KLF7: variants seen among roughly 807,000 people sequenced by gnomAD.
KLF7 encodes Krueppel-like factor 7.
Under a neutral mutation model 27.3 loss-of-function variants are expected in KLF7, and 2 were observed. The ratio of observed to expected loss-of-function variants is 0.07; its 90% confidence interval spans 0.03 to 0.23. KLF7 has a LOEUF of 0.23. Ranked by LOEUF, KLF7 falls within the 10% of genes least tolerant of loss-of-function variation. The pLI is 1.00. For missense variants in KLF7, 221 were observed against 394.1 expected (o/e 0.56, Z 3.72); for synonymous variants, 165 against 162.4 (o/e 1.02, Z -0.12).
intron 1 of KLF7, among the ~76,000 whole-genome samples, chr2:207,140,304 G>C (rs550908603): frequency 9.9e-5 from 15 of 151,996 alleles, no homozygotes; most frequent in Non-Finnish European, 1.5e-4. Flanking sequence ...TTTTTAAAGG[G>C]GGGATTTGAA....
chr2:207,088,602 AC>A, intron 2 of KLF7, 21 bp from the exon 3 acceptor site: 1 of 1,611,000 alleles, frequency 6.2e-7, no homozygotes. Flanking sequence ...AGATGGAAGG[AC>A]CGTGGTCAGC....
chr2:207,124,701 A>C (rs2077434242), intron 1 of KLF7, among the ~76,000 whole-genome samples: 1 of 152,312 alleles, frequency 6.6e-6, no homozygotes. Context: ...CTTGCCCCTC[A>C]ATCCAATTCA....
At chr2:207,118,817 A>T (rs1184292233) in intron 2 of KLF7, among the ~76,000 whole-genome samples, 1 of 152,228 alleles carries the variant, frequency 6.6e-6, no homozygotes, top group Non-Finnish European at 1.5e-5. Flanking sequence ...TGTATTTCAA[A>T]CTTTAAAGGC....
chr2:207,139,713 T>C (rs2077886728), intron 1 of KLF7, among the ~76,000 whole-genome samples: 2 of 152,202 alleles, frequency 1.3e-5, no homozygotes, highest in Non-Finnish European at 1.5e-5. Context: ...GGGCAAATAG[T>C]CTTGGTTTTG....
intron 2 of KLF7, 114 bp downstream of exon 2, chr2:207,123,660 A>G: frequency 8.4e-7 from 1 of 1,190,468 alleles, no homozygotes; most frequent in Non-Finnish European, 1.2e-6. Flanking sequence ...CCGCCTGTCT[A>G]TCACCTCCTC....
At chr2:207,159,816 T>A (rs906321973) in intron 1 of KLF7, among the ~76,000 whole-genome samples, 2 of 152,004 alleles carry the variant, frequency 1.3e-5, no homozygotes, top group Non-Finnish European at 2.9e-5. Context: ...ACTGCTCGAA[T>A]GGAGGGGGGA....
At chr2:207,084,892 G>A (rs1401595538) in intron 3 of KLF7, among the ~76,000 whole-genome samples, 3 of 152,094 alleles carry the variant, frequency 2.0e-5, no homozygotes, top group Admixed American at 1.3e-4. Flanking sequence ...GCCAGGCGTC[G>A]TGGCTCGCGC....
chr2:207,122,664 T>C (rs2077369845), intron 2 of KLF7, among the ~76,000 whole-genome samples: 4 of 152,064 alleles, frequency 2.6e-5, no homozygotes, highest in Non-Finnish European at 5.9e-5. Flanking sequence ...CAGCCAGCAA[T>C]CTCTCCCCTG....
At chr2:207,153,170 C>T (rs1018520352) in intron 1 of KLF7, among the ~76,000 whole-genome samples, 3 of 151,964 alleles carry the variant, frequency 2.0e-5, no homozygotes, top group Non-Finnish European at 2.9e-5. Flanking sequence ...TGTTACACAC[C>T]GAGATGATGT....
At chr2:207,094,863 A>T (rs2105890143) in intron 2 of KLF7, among the ~76,000 whole-genome samples, 1 of 152,080 alleles carries the variant, frequency 6.6e-6, no homozygotes, top group Admixed American at 6.5e-5. Flanking sequence ...AATTCCCAAA[A>T]CATTTATAAT....
In KLF7 at chr2:207,079,245, G is replaced by A. The variant is rs2076228721; in HGVS notation, c.*1968C>T. 1 of 152,154 alleles carries A rather than the reference G, an allele frequency of 6.6e-6. No individual in the cohort carries two copies. The highest frequency in any genetic ancestry group is 2.4e-5 in the African/African-American group (1 of 41,428). The allele number at this position is 152,154 out of a possible 1,614,324, so 9.4% of individuals were successfully genotyped here. On this transcript the variant is annotated 3_prime_UTR_variant, in exon 4 of 4. Coordinates refer to ENST00000309446, the MANE Select transcript of KLF7 (RefSeq NM_003709.4). ...GTTTCAACATTTCAGTGAAAACAAAGGTTGCAGAAAGCTGAAAACCCAGAT... is the reference window on the plus strand; with the variant it reads ...GTTTCAACATTTCAGTGAAAACAAAAGTTGCAGAAAGCTGAAAACCCAGAT...
At chr2:207,128,389 A>C (rs1162508390) in intron 1 of KLF7, among the ~76,000 whole-genome samples, 1 of 152,228 alleles carries the variant, frequency 6.6e-6, no homozygotes, top group African/African-American at 2.4e-5. Flanking sequence ...AAAAACACAG[A>C]AGGAATGATG....
At chr2:207,157,712 A>G (rs1274068010) in intron 1 of KLF7, among the ~76,000 whole-genome samples, 1 of 152,236 alleles carries the variant, frequency 6.6e-6, no homozygotes, top group Non-Finnish European at 1.5e-5. Flanking sequence ...GCCATCCATG[A>G]CAGGCTGATG....
intron 1 of KLF7, chr2:207,148,897 A>T: frequency 4.3e-6 from 2 of 463,708 alleles, no homozygotes; most frequent in Non-Finnish European, 5.9e-6. Flanking sequence ...GGGGGCAGGG[A>T]TCTCCTATCA....
At chr2:207,151,135 A>T (rs1002665376) in intron 1 of KLF7, among the ~76,000 whole-genome samples, 3 of 152,020 alleles carry the variant, frequency 2.0e-5, no homozygotes, top group Non-Finnish European at 4.4e-5. Flanking sequence ...AGTTAAAAGG[A>T]CTGAAAGAAA....
At position 207,080,635 on chromosome 2, in the gene KLF7, A is replaced by AG. The variant is rs766997312; in HGVS notation, c.*577dup. On this transcript the variant is annotated 3_prime_UTR_variant, in exon 4 of 4. Transcript: ENST00000309446. ...GAGGAAGTCTGACGCACGGAATAGT[A>AG]GGACTTTTCACACACAAAGGACAAA... 40 of 391,382 alleles carry AG rather than the reference A, an allele frequency of 1.0e-4. No individual in the cohort carries two copies. The highest frequency in any genetic ancestry group is 2.9e-4 in the South Asian group (2 of 6,980). 24.2% of individuals were successfully genotyped at this position (391,382 alleles called of 1,614,324 possible). A position where few individuals can be genotyped will look rare whatever the true frequency, so the allele number is the denominator to read the frequency against.
intron 2 of KLF7, among the ~76,000 whole-genome samples, chr2:207,119,459 G>GA (rs1553528888): frequency 4.0e-5 from 6 of 149,968 alleles, no homozygotes; most frequent in Admixed American, 4.0e-4. Context: ...AATGAGCATA[G>GA]TTTTTTTTTT....
Position 207,078,307 on chromosome 2 carries a change from C to T in KLF7, c.*2906G>A, listed in dbSNP as rs1371880873. On this transcript the variant is annotated 3_prime_UTR_variant, in exon 4 of 4. Coordinates refer to ENST00000309446, the MANE Select transcript of KLF7 (RefSeq NM_003709.4). Reference sequence around the variant, plus strand: ...CAATGCACCCTGCTCCAAGAAAGGTCAGGAGCAGATTACAAAGGACCTCAC... The same window carrying T: ...CAATGCACCCTGCTCCAAGAAAGGTTAGGAGCAGATTACAAAGGACCTCAC... 1 of 152,150 alleles carries T rather than the reference C, an allele frequency of 6.6e-6. No individual in the cohort carries two copies. Among genetic ancestry groups the T allele is most frequent in the Non-Finnish European group, 1.5e-5 (1 of 68,030 alleles). 9.4% of individuals were successfully genotyped at this position (152,150 alleles called of 1,614,324 possible).
At position 207,121,136 on chromosome 2, in the gene KLF7, C is replaced by A. The variant is rs553848391; in HGVS notation, c.733+2638G>T. The A allele has an allele frequency of 2.0e-5, 3 of 152,276 alleles. No individual in the cohort carries two copies. The South Asian group carries it at 6.2e-4, about 32-fold the overall frequency. 9.4% of individuals were successfully genotyped at this position (152,276 alleles called of 1,614,324 possible). ...TGGGAGGAAAGCCATGATCTTTCTG[C>A]CTTATTGCCAACTTCTATGGGCTAA... is the stretch of plus-strand genomic sequence containing the variant. On this transcript the variant is annotated intron_variant, in intron 2 of 3. Transcript: ENST00000309446.
Sources: gnomAD v4.1 joint callset for allele counts (sites outside exome capture counted in the v4.1 genomes callset) on GRCh38, gnomAD v4.1.1 for gene constraint, MANE v1.5 for transcripts, NCBI Gene and HGNC (gene_info 2026-07-23, HGNC 2026-07-21) for gene names.